DMXL1: variants seen among roughly 807,000 people sequenced by gnomAD.
DMXL1 encodes the protein dmX-like protein 1.
A neutral mutation model predicts 319.2 loss-of-function variants in DMXL1; 99 were observed. The observed-to-expected ratio is 0.31, with a 90% CI of 0.26 to 0.37. The LOEUF (loss-of-function observed/expected upper bound fraction) is 0.37. Ranked by LOEUF, DMXL1 falls within the 10% of genes least tolerant of loss-of-function variation. The pLI is 1.00. For synonymous variants in DMXL1, 1,385 were observed against 1,235.2 expected, an observed-to-expected ratio of 1.12 and a Z score of -2.54; for missense variants, 3,745 against 3,595.6, an observed-to-expected ratio of 1.04 and a Z score of -1.06.
chr5:119,090,089 C>T (rs1344637357), intron 1 of DMXL1, among the ~76,000 whole-genome samples: 4 of 117,724 alleles, frequency 3.4e-5, no homozygotes, highest in African/African-American at 9.8e-5. Context: ...GGTGAGATCT[C>T]GGCTCACTGC....
intron 35 of DMXL1, 32 bp from the exon 36 acceptor site, chr5:119,220,440 C>T: frequency 6.2e-7 from 1 of 1,607,008 alleles, no homozygotes; most frequent in Non-Finnish European, 8.5e-7. Context: ...TTGCCTATTG[C>T]TTTTAAAATT....
chr5:119,166,818 G>A lies in DMXL1; in HGVS notation c.5136+37G>A, dbSNP rs1450671424. 3.9e-6 allele frequency: 6 copies of A among 1,536,890 alleles called. No homozygotes were observed. In the African/African-American group the frequency reaches 4.2e-5, roughly 11 times the overall value. Reference sequence around the variant, plus strand: ...AATTTAAATAACAAAGTATAGCAATGTCATCTTTTAAAGCTCCTTAGTGCT... The same window carrying A: ...AATTTAAATAACAAAGTATAGCAATATCATCTTTTAAAGCTCCTTAGTGCT... On this transcript the variant is annotated intron_variant, in intron 22 of 43. Coordinates refer to ENST00000539542, the MANE Select transcript of DMXL1 (RefSeq NM_001290321.3).
At position 119,071,584 on chromosome 5, in the gene DMXL1, G is replaced by A. The variant is rs1253560073; in HGVS notation, c.15G>A (p.Gln5=). 1.2e-6 allele frequency: 2 copies of A among 1,605,594 alleles called. No homozygotes were observed. Among genetic ancestry groups the A allele is most frequent in the Non-Finnish European group, 1.7e-6 (2 of 1,176,506 alleles). MNLH[Q]VLTGAVNPGD... ...AGGGCGCCGACATGAACCTGCACCA[G>A]GTGCTGACCGGGGCTGTGAACCCTG... Residue 5 remains glutamine (Q), a synonymous_variant, in exon 1 of 44, where the codon CAG becomes CAA. Transcript: ENST00000539542.
At chr5:119,082,016 T>TACACAC (rs1379090382) in intron 1 of DMXL1, among the ~76,000 whole-genome samples, 5 of 78,684 alleles carry the variant, frequency 6.4e-5, no homozygotes, top group Non-Finnish European at 1.1e-4. Context: ...TATATATATA[T>TACACAC]ATATACACAC....
intron 35 of DMXL1, among the ~76,000 whole-genome samples, chr5:119,220,248 T>C (rs1383299519): frequency 6.6e-6 from 1 of 152,164 alleles, no homozygotes; most frequent in African/African-American, 2.4e-5. Flanking sequence ...AAATGCTGCA[T>C]GTATTGCCAT....
intron 1 of DMXL1, among the ~76,000 whole-genome samples, chr5:119,075,466 T>G (rs1281995750): frequency 6.6e-6 from 1 of 151,932 alleles, no homozygotes; most frequent in Non-Finnish European, 1.5e-5. Flanking sequence ...CTTGAACTCC[T>G]CACCTCAAAT....
intron 4 of DMXL1, among the ~76,000 whole-genome samples, chr5:119,107,287 G>C (rs1758569165): frequency 6.6e-6 from 1 of 152,006 alleles, no homozygotes; most frequent in African/African-American, 2.4e-5. Context: ...GCTGCAGTGA[G>C]CCATGATTGT....
At chr5:119,231,048 C>T (rs180803735) in intron 38 of DMXL1, among the ~76,000 whole-genome samples, 1 of 152,244 alleles carries the variant, frequency 6.6e-6, no homozygotes, top group Non-Finnish European at 1.5e-5. Context: ...AGACAATTTA[C>T]AGTTCATTTA....
In DMXL1 at chr5:119,131,080, G is replaced by A. The variant is rs189612511; in HGVS notation, c.1315+1657G>A. 1.7e-3 allele frequency among the ~76,000 whole-genome samples: 255 copies of A among 150,570 alleles called. 1 individual carries two copies. The highest frequency in any genetic ancestry group is 4.2e-3 in the Admixed American group (64 of 15,128). On this transcript the variant is annotated intron_variant, in intron 10 of 43. Transcript: ENST00000539542. ...TTTGCATTTTCTTGATGCAAATTAA[G>A]CAGAATATCTTTTATTATATTTTTG... is the stretch of plus-strand genomic sequence containing the variant.
At chr5:119,082,020 T>TATATATATATAC (rs1200957102) in intron 1 of DMXL1, among the ~76,000 whole-genome samples, 11 of 108,164 alleles carry the variant, frequency 1.0e-4, no homozygotes, top group Non-Finnish European at 1.2e-4. Flanking sequence ...TATATATATA[T>TATATATATATAC]ACACACACAC....
chr5:119,109,815 C>G (rs1346095568), intron 4 of DMXL1, among the ~76,000 whole-genome samples: 2 of 152,210 alleles, frequency 1.3e-5, no homozygotes, highest in Non-Finnish European at 2.9e-5. Context: ...TGTAACACTT[C>G]CACATGGTAT....
intron 4 of DMXL1, among the ~76,000 whole-genome samples, chr5:119,105,921 T>G (rs1354811408): frequency 2.1e-5 from 3 of 144,128 alleles, no homozygotes; most frequent in Non-Finnish European, 4.6e-5. Flanking sequence ...AGGAAGAAAA[T>G]ATAATGAATA....
chr5:119,189,026 A>T (rs1778243276), intron 28 of DMXL1, among the ~76,000 whole-genome samples: 1 of 152,106 alleles, frequency 6.6e-6, no homozygotes, highest in Non-Finnish European at 1.5e-5. Flanking sequence ...TGCATTTTGT[A>T]ACTCAAGGTT....
rs570871008 is a variant in DMXL1, at chr5:119,193,688, T to G, written c.7315-140T>G. On this transcript the variant is annotated intron_variant, in intron 29 of 43. Coordinates refer to ENST00000539542, the MANE Select transcript of DMXL1 (RefSeq NM_001290321.3). ...ATAGTATCAATTGATGTCAAAGGCA[T>G]AGGATGGTAAGATAATAGTTACTTA... 811 of 837,060 alleles carry G rather than the reference T, an allele frequency of 9.7e-4. 9 individuals are homozygous for G. The highest frequency in any genetic ancestry group is 7.4e-3 in the South Asian group (433 of 58,768). 51.9% of individuals were successfully genotyped at this position (837,060 alleles called of 1,614,324 possible). A position where few individuals can be genotyped will look rare whatever the true frequency, so the allele number is the denominator to read the frequency against.
At chr5:119,187,199 A>G (rs897842482) in intron 28 of DMXL1, among the ~76,000 whole-genome samples, 2 of 152,122 alleles carry the variant, frequency 1.3e-5, no homozygotes, top group Non-Finnish European at 2.9e-5. Context: ...TAGCCTCCCT[A>G]TACCTCTTAA....
At chr5:119,165,988 G>A (rs1561773283) in intron 21 of DMXL1, among the ~76,000 whole-genome samples, 1 of 152,170 alleles carries the variant, frequency 6.6e-6, no homozygotes, top group Non-Finnish European at 1.5e-5. Flanking sequence ...ATTTACCTCT[G>A]CACTATGGGC....
At chr5:119,119,892 GT>G (rs1308528760) in intron 8 of DMXL1, among the ~76,000 whole-genome samples, 1 of 151,358 alleles carries the variant, frequency 6.6e-6, no homozygotes, top group East Asian at 1.9e-4. Context: ...TTTTGTTGTT[GT>G]TTTTTGAGAC....
chr5:119,160,837 C>G (rs1035233766), intron 19 of DMXL1, among the ~76,000 whole-genome samples: 3 of 152,006 alleles, frequency 2.0e-5, no homozygotes, highest in Admixed American at 6.6e-5. Context: ...TACCCCTATT[C>G]TATTTCGGTT....
chr5:119,154,575 A>G (rs1406529800), intron 19 of DMXL1: 1 of 161,422 alleles, frequency 6.2e-6, no homozygotes, highest in Non-Finnish European at 1.3e-5. Context: ...TGAAGCTAGC[A>G]GAGGTTGGTC....
Sources: gnomAD v4.1 joint callset for allele counts (sites outside exome capture counted in the v4.1 genomes callset) on GRCh38, gnomAD v4.1.1 for gene constraint, MANE v1.5 for transcripts, NCBI Gene and HGNC (gene_info 2026-07-23, HGNC 2026-07-21) for gene names.